Variants in NCAPD3 observed in about 807,000 individuals in gnomAD.
The protein encoded by NCAPD3 is condensin-2 complex subunit D3.
Under a neutral mutation model 182.9 loss-of-function variants are expected in NCAPD3, and 105 were observed. The observed-to-expected ratio is 0.57, with a 90% CI of 0.49 to 0.68. NCAPD3 has a LOEUF of 0.68. Ranked by LOEUF, NCAPD3 falls within the 30% of genes least tolerant of loss-of-function variation. The pLI is 0.00. For synonymous variants in NCAPD3, 815 were observed against 679.9 expected (o/e 1.20, Z -3.09); for missense variants, 1,944 against 1,837.0 (o/e 1.06, Z -1.07).
At chr11:134,189,686 T>A (rs2135992425) in intron 16 of NCAPD3, among the ~76,000 whole-genome samples, 2 of 152,338 alleles carry the variant, frequency 1.3e-5, no homozygotes, top group Middle Eastern at 6.8e-3. Flanking sequence ...ATGGTTCACA[T>A]AAGCTTAGAA....
At chr11:134,172,840 G>A (rs185677170) in intron 24 of NCAPD3, among the ~76,000 whole-genome samples, 4 of 152,166 alleles carry the variant, frequency 2.6e-5, no homozygotes, top group African/African-American at 2.4e-5. Context: ...GAGCAGCATC[G>A]TGAGAACCTA....
At position 134,157,928 on chromosome 11, in the gene NCAPD3, C is replaced by T. The variant is rs200401483; in HGVS notation, c.4174G>A (p.Val1392Met). 9 of 1,613,078 alleles carry T rather than the reference C, an allele frequency of 5.6e-6. No homozygotes were observed. In the Admixed American group the frequency reaches 1.5e-4, roughly 27 times the overall value. Reference sequence around the variant, plus strand: ...GTCTGGCACCAAACATAAGGCTTACCCTGACTGCACGTTTTTTCTGGGCTT... The same window carrying T: ...GTCTGGCACCAAACATAAGGCTTACTCTGACTGCACGTTTTTTCTGGGCTT... ...SGSPEKTCSQVSSYSLEQESN... is the reference protein window; with the variant it reads ...SGSPEKTCSQMSSYSLEQESN... The change falls in exon 31 of 35, where the codon GTG becomes ATG. Residue 1392 changes from valine (V) to methionine (M), a missense_variant and splice_region_variant. Val to Met is a conservative substitution (Grantham distance 21). Coordinates refer to ENST00000534548, the MANE Select transcript of NCAPD3 (RefSeq NM_015261.3).
rs655627 is a variant in NCAPD3, at chr11:134,151,964, G to A, written c.*980C>T. On this transcript the variant is annotated 3_prime_UTR_variant, in exon 35 of 35. Coordinates refer to ENST00000534548, the MANE Select transcript of NCAPD3 (RefSeq NM_015261.3). ...CTGTGTTGCGGTTCCCACTTGGGAT[G>A]GCAGTGGGCAGATCTCAGTGGCATC... The A allele has an allele frequency of 0.65, 99,262 of 152,064 alleles. 33,508 individuals are homozygous for A. Among genetic ancestry groups the A allele is most frequent in the African/African-American group, 0.83 (34,396 of 41,504 alleles). 9.4% of individuals were successfully genotyped at this position (152,064 alleles called of 1,614,324 possible).
At chr11:134,165,685 G>A (rs1418644801) in intron 27 of NCAPD3, among the ~76,000 whole-genome samples, 1 of 145,040 alleles carries the variant, frequency 6.9e-6, no homozygotes, top group African/African-American at 2.6e-5. Context: ...ATACTCATTT[G>A]TGAGATGAGC....
chr11:134,193,904 C>A, intron 15 of NCAPD3, 112 bp downstream of exon 15: 1 of 1,099,618 alleles, frequency 9.1e-7, no homozygotes, highest in Non-Finnish European at 1.3e-6. Context: ...CTACAGTGGA[C>A]TTAGTAGAGT....
chr11:134,178,667 AG>A lies in NCAPD3; in HGVS notation c.2748del (p.Ser917LeufsTer2). The A allele has an allele frequency of 6.3e-7, 1 of 1,581,234 alleles. No individual in the cohort carries two copies. Among genetic ancestry groups the A allele is most frequent in the South Asian group, 1.2e-5 (1 of 86,034 alleles). On this transcript the variant is annotated frameshift_variant, in exon 22 of 35. Coordinates refer to ENST00000534548, the MANE Select transcript of NCAPD3 (RefSeq NM_015261.3). LOFTEE classifies it high-confidence loss of function. ...PPPQVRGSVM[P>X]SVIRAHAIIT... ...ATGATGGCATGTGCTCTAATCACAG[AG>A]GGCATGACAGAACCTCTGACCTGGG...
chr11:134,156,960 A>G, intron 32 of NCAPD3, 58 bp downstream of exon 32: 1 of 1,438,738 alleles, frequency 7.0e-7, no homozygotes. Context: ...TCTAGCAAAC[A>G]CATCACGAAT....
At chr11:134,224,922 GC>G (rs1408306277), upstream of NCAPD3, 2 of 243,798 alleles carry the variant, frequency 8.2e-6, no homozygotes, top group African/African-American at 4.6e-5. Flanking sequence ...GCAGCCGCCA[GC>G]CTCCCCCGGC....
At chr11:134,187,569 C>T (rs900526400) in intron 16 of NCAPD3, among the ~76,000 whole-genome samples, 1 of 152,196 alleles carries the variant, frequency 6.6e-6, no homozygotes, top group Non-Finnish European at 1.5e-5. Flanking sequence ...TGACTATTTC[C>T]TTTCTGGTAA....
In NCAPD3 at chr11:134,209,020, G is replaced by A. The variant is rs2136018646; in HGVS notation, c.795-69C>T. ...CTTGGAATATTTCTTAGTCCTACAA[G>A]CCATGTTTAAATGAATAAATTCTAC... On this transcript the variant is annotated intron_variant, in intron 6 of 34. Transcript: ENST00000534548. 3 of 1,456,448 alleles carry A rather than the reference G, an allele frequency of 2.1e-6. 1 individual carries two copies. The African/African-American group carries it at 4.2e-5, about 21-fold the overall frequency. The allele number at this position is 1,456,448 out of a possible 1,614,324, so 90.2% of individuals were successfully genotyped here.
intron 2 of NCAPD3, among the ~76,000 whole-genome samples, chr11:134,217,742 A>G (rs529094301): frequency 3.3e-5 from 5 of 152,352 alleles, no homozygotes; most frequent in East Asian, 1.9e-4. Context: ...TCGTAACAAA[A>G]AAAGGCCCAC....
chr11:134,158,477 T>C lies in NCAPD3; in HGVS notation c.3886A>G (p.Thr1296Ala). 1 of 1,613,946 alleles carries C rather than the reference T, an allele frequency of 6.2e-7. No individual in the cohort carries two copies. The highest frequency in any genetic ancestry group is 8.5e-7 in the Non-Finnish European group (1 of 1,180,014). Residue 1296 changes from threonine to alanine, a missense_variant, in exon 30 of 35, where the codon ACA becomes GCA. Coordinates refer to ENST00000534548, the MANE Select transcript of NCAPD3 (RefSeq NM_015261.3). ...PVAQVALCLE[T>A]VPVPAGQENP... is the part of the protein sequence containing the mutation. ...TCTTGGCCAGCAGGAACTGGCACTG[T>C]TTCTAAACACAGGGCAACCTGGTAG...
chr11:134,214,636 G>A (rs1016835682), intron 3 of NCAPD3, among the ~76,000 whole-genome samples: 1 of 152,042 alleles, frequency 6.6e-6, no homozygotes, highest in Admixed American at 6.6e-5. Context: ...CCTCCAAAAT[G>A]AACAGTAAAA....
intron 8 of NCAPD3, 129 bp from the exon 9 acceptor site, chr11:134,205,100 T>C: frequency 1.6e-6 from 1 of 630,276 alleles, no homozygotes; most frequent in Non-Finnish European, 2.7e-6. Context: ...GTGGTTTCAG[T>C]AGAATGAAGA....
At chr11:134,201,610 A>G (rs948753109) in intron 13 of NCAPD3, among the ~76,000 whole-genome samples, 1 of 152,234 alleles carries the variant, frequency 6.6e-6, no homozygotes, top group African/African-American at 2.4e-5. Context: ...TGCCAACAAT[A>G]TATGTCCTTT....
chr11:134,158,197 C>T (rs1466861255), intron 30 of NCAPD3, 130 bp from the exon 31 acceptor site: 1 of 1,522,238 alleles, frequency 6.6e-7, no homozygotes, highest in Non-Finnish European at 8.9e-7. Flanking sequence ...CCTCCCAGGG[C>T]ACAGTGTGGA....
chr11:134,204,795 A>G lies in NCAPD3; in HGVS notation c.1089+104T>C, dbSNP rs1298464089. ...AAAACCACTTTAAGTAACAATGCAC[A>G]CTCATTCCCAAGAACAAATACCCAC... On this transcript the variant is annotated intron_variant, in intron 9 of 34. Coordinates refer to ENST00000534548, the MANE Select transcript of NCAPD3 (RefSeq NM_015261.3). The surrounding 1 kb of genome is among the most constrained non-coding windows in gnomAD (Gnocchi z 4.3). The G allele has an allele frequency of 1.2e-5, 11 of 883,242 alleles. No individual in the cohort carries two copies. The East Asian group carries it at 1.3e-4, about 11-fold the overall frequency. The allele number at this position is 883,242 out of a possible 1,614,324, so 54.7% of individuals were successfully genotyped here.
intron 16 of NCAPD3, among the ~76,000 whole-genome samples, chr11:134,191,018 C>A (rs1288747350): frequency 2.0e-5 from 3 of 152,238 alleles, no homozygotes; most frequent in African/African-American, 7.2e-5. Context: ...TATTCCTCTA[C>A]TTCTCCATAC....
At chr11:134,184,850 CCTGAAATGA>C in intron 18 of NCAPD3, 44 bp downstream of exon 18, 1 of 1,402,776 alleles carries the variant, frequency 7.1e-7, no homozygotes, top group Non-Finnish European at 1.0e-6. Context: ...CACACACACA[CCTGAAATGA>C]ACAGCAATGC....
Sources: gnomAD v4.1 joint callset for allele counts (sites outside exome capture counted in the v4.1 genomes callset) on GRCh38, gnomAD v4.1.1 for gene constraint, Gnocchi (gnomAD v3.1) non-coding constraint, MANE v1.5 for transcripts, NCBI Gene and HGNC (gene_info 2026-07-23, HGNC 2026-07-21) for gene names.